Variants in SCLT1 observed in about 807,000 individuals in gnomAD.
SCLT1 encodes the protein sodium channel and clathrin linker 1, also known as sodium channel-associated protein 1.
In SCLT1, 78 loss-of-function variants were observed where a neutral mutation model predicts 112.8. The observed-to-expected ratio is 0.69, with a 90% CI of 0.58 to 0.83. The LOEUF is 0.83. Among genes scored for constraint, SCLT1 ranks in the 40% least tolerant of loss-of-function variants. SCLT1 has a pLI of 0.00. For synonymous variants in SCLT1, 257 were observed against 254.7 expected, an observed-to-expected ratio of 1.01 and a Z score of -0.09; for missense variants, 747 against 770.4, an observed-to-expected ratio of 0.97 and a Z score of 0.36.
intron 2 of SCLT1, among the ~76,000 whole-genome samples, chr4:129,070,329 T>C (rs1010247576): frequency 6.6e-6 from 1 of 152,242 alleles, no homozygotes; most frequent in African/African-American, 2.4e-5. Flanking sequence ...TCAAAAGTAT[T>C]GGCACCAATT....
intron 8 of SCLT1, among the ~76,000 whole-genome samples, chr4:128,996,160 G>T (rs1245424410): frequency 1.3e-5 from 2 of 151,972 alleles, no homozygotes; most frequent in Non-Finnish European, 2.9e-5. Context: ...GCAAGAGAGG[G>T]TCTCAAATCT....
At chr4:128,976,542 C>T (rs1245839878) in intron 9 of SCLT1, among the ~76,000 whole-genome samples, 1 of 152,128 alleles carries the variant, frequency 6.6e-6, no homozygotes, top group Non-Finnish European at 1.5e-5. Flanking sequence ...ACAAAACACA[C>T]AAAGGATTTT....
At chr4:129,014,505 T>G (rs1229307811) in intron 5 of SCLT1, among the ~76,000 whole-genome samples, 2 of 152,330 alleles carry the variant, frequency 1.3e-5, no homozygotes, top group African/African-American at 4.8e-5. Context: ...TCCTATTTGA[T>G]GACCTTGAGG....
chr4:128,908,176 C>T (rs556855946), intron 18 of SCLT1, among the ~76,000 whole-genome samples: 23 of 151,938 alleles, frequency 1.5e-4, no homozygotes, highest in Non-Finnish European at 3.1e-4. Context: ...ACAAAAGGTG[C>T]GCTATTCATT....
At chr4:128,999,118 G>T (rs1461167354) in intron 7 of SCLT1, among the ~76,000 whole-genome samples, 1 of 151,950 alleles carries the variant, frequency 6.6e-6, no homozygotes, top group East Asian at 1.9e-4. Flanking sequence ...TTGAAAGAGT[G>T]TAGAATGATT....
intron 5 of SCLT1, chr4:128,874,206 CAGG>C (rs1372280538): frequency 6.6e-6 from 1 of 152,476 alleles, no homozygotes; most frequent in East Asian, 1.9e-4. Flanking sequence ...TTGCTGGATA[CAGG>C]AGAAGGTTGG....
intron 2 of SCLT1, among the ~76,000 whole-genome samples, chr4:129,056,164 A>G (rs1210405021): frequency 6.6e-6 from 1 of 151,980 alleles, no homozygotes; most frequent in African/African-American, 2.4e-5. Context: ...TCAGTTGGAA[A>G]TGCAGAAATC....
chr4:129,053,557 ATTTTTTTTTTTTTTTT>A (rs528905688), intron 2 of SCLT1, among the ~76,000 whole-genome samples: 33 of 45,238 alleles, frequency 7.3e-4, no homozygotes, highest in East Asian at 3.7e-3. Context: ...GCAATCCCTG[ATTTTTTTTTTTTTTTT>A]TTTTTTTTTT....
intron 18 of SCLT1, among the ~76,000 whole-genome samples, chr4:128,907,354 G>A (rs571374410): frequency 4.6e-5 from 7 of 152,278 alleles, no homozygotes; most frequent in African/African-American, 1.7e-4. Flanking sequence ...ATCCAGGTGA[G>A]CAATGTTGAC....
intron 2 of SCLT1, among the ~76,000 whole-genome samples, chr4:129,062,766 C>A (rs776273695): frequency 6.6e-6 from 1 of 152,122 alleles, no homozygotes; most frequent in Non-Finnish European, 1.5e-5. Flanking sequence ...TGATTGCCTA[C>A]GGAAGTTCCT....
chr4:129,003,374 G>T lies in SCLT1; in HGVS notation c.426+367C>A, dbSNP rs1457653348. On this transcript the variant is annotated intron_variant, in intron 6 of 20. Coordinates refer to ENST00000281142, the MANE Select transcript of SCLT1 (RefSeq NM_144643.4). ...GGTGCAGCAAACCACCATGGCATGT[G>T]ATACCTATATAACAAACCTGCACGT... 7.5e-5 allele frequency among the ~76,000 whole-genome samples: 11 copies of T among 147,458 alleles called. No individual in the cohort carries two copies. In the Admixed American group the frequency reaches 7.6e-4, roughly 10 times the overall value.
chr4:129,000,949 A>T (rs1743425602), intron 6 of SCLT1, among the ~76,000 whole-genome samples: 1 of 145,162 alleles, frequency 6.9e-6, no homozygotes, highest in Admixed American at 7.0e-5. Context: ...TCTAAAACTT[A>T]AAAAAAAAAA....
At chr4:129,087,176 G>C (rs1372161163) in intron 1 of SCLT1, among the ~76,000 whole-genome samples, 1 of 152,082 alleles carries the variant, frequency 6.6e-6, no homozygotes, top group Non-Finnish European at 1.5e-5. Context: ...CAGGACAAAG[G>C]ATAGAAGACT....
At chr4:129,092,486 A>C (rs1561079100) in intron 1 of SCLT1, among the ~76,000 whole-genome samples, 2 of 152,230 alleles carry the variant, frequency 1.3e-5, no homozygotes, top group Non-Finnish European at 2.9e-5. Flanking sequence ...ATATTTGTTT[A>C]ACACAATGTA....
At chr4:128,921,599 T>C (rs1014716015) in intron 18 of SCLT1, among the ~76,000 whole-genome samples, 5 of 152,108 alleles carry the variant, frequency 3.3e-5, no homozygotes, top group Admixed American at 3.3e-4. Context: ...ACTGTCCATA[T>C]GTGGAAGACT....
intron 5 of SCLT1, among the ~76,000 whole-genome samples, chr4:129,034,837 CA>C (rs1747042220): frequency 6.6e-6 from 1 of 152,056 alleles, no homozygotes; most frequent in Admixed American, 6.6e-5. Context: ...AATGACTAAG[CA>C]TGGCTGTGAT....
At chr4:128,906,518 C>T (rs1301990736) in intron 18 of SCLT1, among the ~76,000 whole-genome samples, 8 of 152,150 alleles carry the variant, frequency 5.3e-5, no homozygotes, top group Non-Finnish European at 1.2e-4. Flanking sequence ...TCAAAGTAGC[C>T]ATCAAGTGAT....
intron 3 of SCLT1, among the ~76,000 whole-genome samples, chr4:128,878,068 C>T (rs1732561297): frequency 6.6e-6 from 1 of 152,112 alleles, no homozygotes; most frequent in Non-Finnish European, 1.5e-5. Context: ...TACTTAAAAT[C>T]ACATAGTTTC....
intron 20 of SCLT1, among the ~76,000 whole-genome samples, chr4:128,886,509 C>T (rs144636240): frequency 1.5e-3 from 223 of 152,194 alleles, no homozygotes; most frequent in Middle Eastern, 0.01. Context: ...GTACGTCTTA[C>T]AAACAAAGTT....
Sources: allele counts gnomAD v4.1 joint callset (sites outside exome capture counted in the v4.1 genomes callset), GRCh38; gene constraint gnomAD v4.1.1; transcripts MANE v1.5; gene names NCBI Gene and HGNC (gene_info 2026-07-23, HGNC 2026-07-21).